SRPK2: variants seen among roughly 807,000 people sequenced by gnomAD.
SRPK2 encodes SFRS protein kinase 2.
A neutral mutation model predicts 90.8 loss-of-function variants in SRPK2; 21 were observed. That is an observed-to-expected ratio of 0.23 (90% CI 0.16 to 0.33). The LOEUF is 0.33. SRPK2 is among the 10% of genes least tolerant of loss of function. The pLI, the probability that SRPK2 is intolerant of heterozygous loss-of-function variation, is 1.00. For missense variants in SRPK2, 620 were observed against 869.0 expected (o/e 0.71, Z 3.60); for synonymous variants, 288 against 311.1 (o/e 0.93, Z 0.78).
At chr7:105,349,802 G>GCTCA (rs1816938619) in intron 2 of SRPK2, among the ~76,000 whole-genome samples, 1 of 151,928 alleles carries the variant, frequency 6.6e-6, no homozygotes, top group African/African-American at 2.4e-5. Flanking sequence ...GCAGTGCCGT[G>GCTCA]ATCTCAGCTC....
At chr7:105,396,858 AAGGG>A (rs1563329733) in intron 1 of SRPK2, among the ~76,000 whole-genome samples, 2 of 147,670 alleles carry the variant, frequency 1.4e-5, no homozygotes, top group Admixed American at 6.8e-5. Flanking sequence ...GGGAGGGAGG[AAGGG>A]AGGAAGGAAG....
At position 105,249,964 on chromosome 7, in the gene SRPK2, G is replaced by T. The variant is rs535595465; in HGVS notation, c.72-46179C>A. Among the ~76,000 whole-genome samples the T allele has an allele frequency of 2.0e-5, 3 of 152,276 alleles. No individual in the cohort carries two copies. In the East Asian group the frequency reaches 5.8e-4, roughly 29 times the overall value. On this transcript the variant is annotated intron_variant, in intron 2 of 15. Coordinates refer to ENST00000393651, the MANE Select transcript of SRPK2 (RefSeq NM_182692.3). ...ATATGTAAATATTTTTCTCATATGA[G>T]CTCTTGTTGCCCATGTGCCTCTCAA...
intron 3 of SRPK2, among the ~76,000 whole-genome samples, chr7:105,183,677 T>C (rs903162884): frequency 3.3e-5 from 5 of 151,364 alleles, no homozygotes; most frequent in African/African-American, 9.7e-5. Context: ...TTAGTAAAGA[T>C]GGGGTTTTCA....
At chr7:105,361,771 T>C (rs1313615569) in intron 2 of SRPK2, among the ~76,000 whole-genome samples, 2 of 152,182 alleles carry the variant, frequency 1.3e-5, no homozygotes, top group Non-Finnish European at 1.5e-5. Flanking sequence ...TGGCTAGCTA[T>C]ATGTAGAAAA....
chr7:105,215,999 T>C (rs1192219860), intron 2 of SRPK2, among the ~76,000 whole-genome samples: 1 of 148,684 alleles, frequency 6.7e-6, no homozygotes, highest in South Asian at 2.1e-4. Context: ...AAGGCTATAA[T>C]ATGCCACGAT....
upstream of SRPK2, chr7:105,389,200 C>T (rs1822052992): frequency 1.8e-6 from 2 of 1,131,718 alleles, no homozygotes; most frequent in South Asian, 1.8e-5. Flanking sequence ...GGGCACCGGA[C>T]CCGCGGGACC....
intron 2 of SRPK2, among the ~76,000 whole-genome samples, chr7:105,366,615 C>T (rs184655876): frequency 3.3e-5 from 5 of 152,122 alleles, no homozygotes; most frequent in Admixed American, 3.3e-4. Flanking sequence ...GTGATCCGCC[C>T]GCCTCAGCCT....
chr7:105,375,316 C>T (rs1365218847), intron 2 of SRPK2, among the ~76,000 whole-genome samples: 1 of 151,792 alleles, frequency 6.6e-6, no homozygotes, highest in East Asian at 1.9e-4. Context: ...CAAGAATGGC[C>T]CCCAAAAATA....
intron 15 of SRPK2, among the ~76,000 whole-genome samples, chr7:105,119,556 C>G (rs774045248): frequency 6.6e-6 from 1 of 152,186 alleles, no homozygotes; most frequent in Non-Finnish European, 1.5e-5. Context: ...AAATAAGCTT[C>G]TGTTTCCAAT....
chr7:105,326,424 G>A (rs1389716820), intron 2 of SRPK2, among the ~76,000 whole-genome samples: 2 of 152,152 alleles, frequency 1.3e-5, no homozygotes, highest in Non-Finnish European at 2.9e-5. Flanking sequence ...GTAATCCTGA[G>A]AAATAACTAT....
At chr7:105,388,445 G>A (rs979629632) in intron 2 of SRPK2, among the ~76,000 whole-genome samples, 19 of 147,396 alleles carry the variant, frequency 1.3e-4, no homozygotes, top group Non-Finnish European at 2.7e-4. Context: ...TGATGCTAGG[G>A]AACCGGCCGC....
At chr7:105,354,888 C>T (rs556474252) in intron 2 of SRPK2, among the ~76,000 whole-genome samples, 83 of 152,238 alleles carry the variant, frequency 5.5e-4, no homozygotes, top group African/African-American at 1.8e-3. Context: ...TCAACAGGCA[C>T]GCCCCATATT....
chr7:105,136,188 G>A (rs146645215), intron 11 of SRPK2, among the ~76,000 whole-genome samples: 68 of 152,306 alleles, frequency 4.5e-4, no homozygotes, highest in African/African-American at 1.4e-3. Flanking sequence ...CTTCTGATGC[G>A]TTCCAAATGA....
chr7:105,284,549 T>C (rs1807802352), intron 2 of SRPK2, among the ~76,000 whole-genome samples: 1 of 152,098 alleles, frequency 6.6e-6, no homozygotes, highest in Non-Finnish European at 1.5e-5. Flanking sequence ...AAAGCAAAAT[T>C]AAAAAATCTT....
intron 4 of SRPK2, 79 bp from the exon 5 acceptor site, chr7:105,168,174 C>A: frequency 8.3e-7 from 1 of 1,210,322 alleles, no homozygotes; most frequent in Non-Finnish European, 1.2e-6. Flanking sequence ...GTTGAGCATC[C>A]CTAATTGGAA....
At chr7:105,139,642 G>A (rs1049657180) in intron 11 of SRPK2, among the ~76,000 whole-genome samples, 4 of 152,176 alleles carry the variant, frequency 2.6e-5, no homozygotes, top group Non-Finnish European at 5.9e-5. Context: ...GTAACAAGCA[G>A]CAATTCTGCT....
chr7:105,252,643 A>G (rs777934189), intron 2 of SRPK2, among the ~76,000 whole-genome samples: 52 of 152,174 alleles, frequency 3.4e-4, no homozygotes, highest in Non-Finnish European at 5.9e-4. Flanking sequence ...AGTATTTTAA[A>G]CAATTTATAG....
chr7:105,389,569 A>G (rs1822086201), upstream of SRPK2, among the ~76,000 whole-genome samples: 1 of 152,242 alleles, frequency 6.6e-6, no homozygotes, highest in Non-Finnish European at 1.5e-5. Flanking sequence ...TTGCACATGA[A>G]TTGAAACTCG....
intron 2 of SRPK2, among the ~76,000 whole-genome samples, chr7:105,236,681 C>G (rs530524963): frequency 6.6e-6 from 1 of 152,220 alleles, no homozygotes; most frequent in South Asian, 2.1e-4. Flanking sequence ...CCACTTATAA[C>G]AACCTGTAGT....
Sources: allele counts gnomAD v4.1 joint callset (sites outside exome capture counted in the v4.1 genomes callset), GRCh38; gene constraint gnomAD v4.1.1; transcripts MANE v1.5; gene names NCBI Gene and HGNC (gene_info 2026-07-23, HGNC 2026-07-21).